PTPRG: variants seen among roughly 807,000 people sequenced by gnomAD.
The protein encoded by PTPRG is receptor-type tyrosine-protein phosphatase gamma.
A neutral mutation model predicts 165.3 loss-of-function variants in PTPRG; 102 were observed. That is an observed-to-expected ratio of 0.62 (90% CI 0.53 to 0.73). PTPRG has a LOEUF of 0.73. Among genes scored for constraint, PTPRG ranks in the 30% least tolerant of loss-of-function variants. PTPRG has a pLI of 0.00. For synonymous variants in PTPRG, 675 were observed against 669.5 expected, an observed-to-expected ratio of 1.01 and a Z score of -0.13; for missense variants, 1,866 against 1,861.4, an observed-to-expected ratio of 1.00 and a Z score of -0.05.
intron 2 of PTPRG, among the ~76,000 whole-genome samples, chr3:61,791,153 A>T (rs1443423849): frequency 2.0e-5 from 3 of 152,196 alleles, no homozygotes; most frequent in African/African-American, 7.2e-5. Flanking sequence ...TTTTATGTAT[A>T]ATTGATCCTA....
At chr3:62,012,468 T>G (rs2041447489) in intron 4 of PTPRG, among the ~76,000 whole-genome samples, 1 of 152,226 alleles carries the variant, frequency 6.6e-6, no homozygotes, top group Non-Finnish European at 1.5e-5. Flanking sequence ...TGTTTAATTT[T>G]TAAATTTTTT....
intron 2 of PTPRG, among the ~76,000 whole-genome samples, chr3:61,828,052 C>T (rs763123188): frequency 3.3e-5 from 5 of 152,152 alleles, no homozygotes; most frequent in East Asian, 1.9e-4. Context: ...CTAAATTCCA[C>T]GTACAGTAAT....
intron 5 of PTPRG, among the ~76,000 whole-genome samples, chr3:62,123,676 A>C (rs1334520881): frequency 1.3e-5 from 2 of 152,196 alleles, no homozygotes; most frequent in Non-Finnish European, 2.9e-5. Context: ...TTTAATGCAG[A>C]AATAGACATC....
At chr3:61,942,271 A>G (rs2039650335) in intron 2 of PTPRG, among the ~76,000 whole-genome samples, 1 of 152,132 alleles carries the variant, frequency 6.6e-6, no homozygotes. Flanking sequence ...CATGGTCCTC[A>G]GCCATCTGTA....
chr3:62,089,139 G>A (rs1261710014), intron 5 of PTPRG, among the ~76,000 whole-genome samples: 1 of 152,142 alleles, frequency 6.6e-6, no homozygotes, highest in Non-Finnish European at 1.5e-5. Flanking sequence ...TTTGTTCTTT[G>A]TCTTTTCTGG....
intron 8 of PTPRG, among the ~76,000 whole-genome samples, chr3:62,181,531 A>C (rs1164767594): frequency 6.6e-6 from 1 of 152,146 alleles, no homozygotes; most frequent in African/African-American, 2.4e-5. Context: ...CAACTCCCCA[A>C]GTTTAGGTCA....
intron 1 of PTPRG, among the ~76,000 whole-genome samples, chr3:61,610,765 C>CCCTCCCTA: frequency 7.8e-6 from 1 of 127,584 alleles, no homozygotes; most frequent in Middle Eastern, 4.1e-3. Context: ...CTCCCTCCCT[C>CCCTCCCTA]CCTCCCTACC....
At chr3:62,145,350 C>T (rs749994447) in intron 6 of PTPRG, among the ~76,000 whole-genome samples, 1 of 152,138 alleles carries the variant, frequency 6.6e-6, no homozygotes, top group Non-Finnish European at 1.5e-5. Context: ...ATAGCTGTCA[C>T]CACTGCCACC....
chr3:62,206,140 A>T (rs529238631), intron 12 of PTPRG, among the ~76,000 whole-genome samples: 1 of 152,252 alleles, frequency 6.6e-6, no homozygotes, highest in East Asian at 1.9e-4. Context: ...GAGTATTTAC[A>T]GTTTGAGAGA....
At chr3:62,026,096 G>T (rs576249299) in intron 4 of PTPRG, among the ~76,000 whole-genome samples, 45 of 152,286 alleles carry the variant, frequency 3.0e-4, no homozygotes, top group Middle Eastern at 3.4e-3. Context: ...TGGTGTAAGT[G>T]AGGCCAGTTT....
chr3:61,832,049 T>C (rs1356991368), intron 2 of PTPRG, among the ~76,000 whole-genome samples: 2 of 152,234 alleles, frequency 1.3e-5, no homozygotes, highest in Non-Finnish European at 2.9e-5. Context: ...TTGTATCTTA[T>C]AAATATCCCA....
At chr3:61,997,630 A>T (rs2041072396) in intron 3 of PTPRG, among the ~76,000 whole-genome samples, 1 of 152,066 alleles carries the variant, frequency 6.6e-6, no homozygotes, top group African/African-American at 2.4e-5. Flanking sequence ...TCCCACTAGC[A>T]GGTTTGCTTC....
chr3:61,960,790 C>T (rs955911290), intron 2 of PTPRG, among the ~76,000 whole-genome samples: 1 of 152,098 alleles, frequency 6.6e-6, no homozygotes, highest in African/African-American at 2.4e-5. Flanking sequence ...GAGTATCCTG[C>T]ATTCCTGTGT....
intron 2 of PTPRG, among the ~76,000 whole-genome samples, chr3:61,829,777 C>G (rs1292215876): frequency 2.6e-5 from 4 of 152,088 alleles, no homozygotes; most frequent in African/African-American, 9.7e-5. Context: ...AAGTGAGAGT[C>G]ATACAGTCAA....
chr3:61,645,722 T>C (rs1490360546), intron 1 of PTPRG, among the ~76,000 whole-genome samples: 1 of 152,196 alleles, frequency 6.6e-6, no homozygotes, highest in African/African-American at 2.4e-5. Flanking sequence ...TTGATCTTTG[T>C]TGTGGTGTTG....
chr3:62,176,023 C>G (rs777240361), intron 8 of PTPRG, among the ~76,000 whole-genome samples: 11 of 152,106 alleles, frequency 7.2e-5, no homozygotes, highest in Admixed American at 3.9e-4. Flanking sequence ...CAGTGGGAAG[C>G]CTCTGGAGGG....
chr3:61,665,164 C>T (rs1367162160), intron 1 of PTPRG, among the ~76,000 whole-genome samples: 1 of 152,156 alleles, frequency 6.6e-6, no homozygotes, highest in South Asian at 2.1e-4. Context: ...GGCTAATCTT[C>T]ACCACACAAG....
intron 28 of PTPRG, 63 bp downstream of exon 28, chr3:62,282,932 G>A: frequency 6.7e-7 from 1 of 1,500,044 alleles, no homozygotes. Flanking sequence ...CTTGTTGAAA[G>A]CAGTAGAAAA....
At chr3:61,965,104 C>T (rs1164598728) in intron 2 of PTPRG, among the ~76,000 whole-genome samples, 2 of 151,858 alleles carry the variant, frequency 1.3e-5, no homozygotes, top group African/African-American at 4.8e-5. Context: ...ATTATCCAGA[C>T]GTGGTGGCAT....
Sources: gnomAD v4.1 joint callset for allele counts (sites outside exome capture counted in the v4.1 genomes callset) on GRCh38, gnomAD v4.1.1 for gene constraint, MANE v1.5 for transcripts, NCBI Gene and HGNC (gene_info 2026-07-23, HGNC 2026-07-21) for gene names.